Variants in ZFAT observed in about 807,000 individuals in gnomAD.
ZFAT encodes the protein zinc finger protein ZFAT.
Under a neutral mutation model 117.7 loss-of-function variants are expected in ZFAT, and 64 were observed. The ratio of observed to expected loss-of-function variants is 0.54; its 90% CI spans 0.44 to 0.67. The LOEUF (loss-of-function observed/expected upper bound fraction) is 0.67. Among genes scored for constraint, ZFAT ranks in the 30% least tolerant of loss-of-function variants. The pLI is 0.00. For synonymous variants in ZFAT, 679 were observed against 615.0 expected (o/e 1.10, Z -1.54); for missense variants, 1,433 against 1,584.5 (o/e 0.90, Z 1.62).
intron 10 of ZFAT, among the ~76,000 whole-genome samples, chr8:134,578,699 C>A (rs1398485922): frequency 6.6e-6 from 1 of 152,054 alleles, no homozygotes; most frequent in South Asian, 2.1e-4. Context: ...AGAATGGAGG[C>A]AGGAGATGAC....
chr8:134,799,794 T>C, the ZFAT span, among the ~76,000 whole-genome samples: 3 of 152,180 alleles, frequency 2.0e-5, no homozygotes, highest in Admixed American at 6.5e-5. Context: ...GTTGGCATCA[T>C]CTTTATTGCA....
At chr8:134,763,888 C>T in the ZFAT span, among the ~76,000 whole-genome samples, 2 of 152,174 alleles carry the variant, frequency 1.3e-5, no homozygotes, top group Non-Finnish European at 2.9e-5. Flanking sequence ...TTCTATTAAA[C>T]CACACTTGGC....
At chr8:134,789,159 A>G in the ZFAT span, among the ~76,000 whole-genome samples, 21 of 152,254 alleles carry the variant, frequency 1.4e-4, no homozygotes, top group East Asian at 3.7e-3. Flanking sequence ...TTAGGTATAC[A>G]TTCTATTAGC....
chr8:134,496,985 C>A (rs1586583201), intron 15 of ZFAT, among the ~76,000 whole-genome samples: 1 of 152,210 alleles, frequency 6.6e-6, no homozygotes. Flanking sequence ...ATGCAGGGAC[C>A]CCCGCCCCCA....
the ZFAT span, among the ~76,000 whole-genome samples, chr8:134,732,308 C>T: frequency 3.3e-5 from 5 of 152,132 alleles, no homozygotes; most frequent in Non-Finnish European, 7.3e-5. Context: ...CTGAAGCAAG[C>T]ATAGTGGGAT....
At chr8:134,585,185 C>G (rs1164416930) in intron 9 of ZFAT, among the ~76,000 whole-genome samples, 1 of 152,172 alleles carries the variant, frequency 6.6e-6, no homozygotes, top group Non-Finnish European at 1.5e-5. Context: ...TCATTTACAA[C>G]ACACTCTCAC....
chr8:134,765,876 A>AT, the ZFAT span: 1 of 152,222 alleles, frequency 6.6e-6, no homozygotes, highest in Non-Finnish European at 1.5e-5. Context: ...AGAAAAATAA[A>AT]TGAGTTCAGC....
intron 3 of ZFAT, among the ~76,000 whole-genome samples, chr8:134,621,406 T>C (rs1225057212): frequency 1.3e-5 from 2 of 152,174 alleles, no homozygotes; most frequent in South Asian, 2.1e-4. Context: ...TACAAAGCAC[T>C]GTCTTGAGCA....
chr8:134,690,416 T>C (rs1586956560), intron 1 of ZFAT, among the ~76,000 whole-genome samples: 1 of 152,324 alleles, frequency 6.6e-6, no homozygotes, highest in South Asian at 2.1e-4. Flanking sequence ...CCTGAGGTCT[T>C]GATCAAGGAG....
intron 15 of ZFAT, among the ~76,000 whole-genome samples, chr8:134,485,461 A>G (rs1246718900): frequency 1.3e-5 from 2 of 152,200 alleles, no homozygotes; most frequent in East Asian, 1.9e-4. Context: ...CCTGGGAAAC[A>G]TGTTCTCAAA....
upstream of ZFAT, among the ~76,000 whole-genome samples, chr8:134,714,422 C>T (rs1814168961): frequency 1.3e-5 from 2 of 152,254 alleles, no homozygotes; most frequent in Admixed American, 1.3e-4. Context: ...TTCTCAGCGC[C>T]TGTTGCATAG....
Position 134,555,911 on chromosome 8 carries a change from G to A in ZFAT, c.2976+9422C>T, listed in dbSNP as rs141937721. On this transcript the variant is annotated intron_variant, in intron 11 of 15. Transcript: ENST00000377838. ...AGTGCTACATGGGAGGCTGAGGCAG[G>A]AGGATCATTTGAGCCCAGGAGCTCA... Among the ~76,000 whole-genome samples the A allele has an allele frequency of 6.7e-3, 993 of 148,376 alleles. 5 individuals are homozygous for A. The highest frequency in any genetic ancestry group is 8.4e-3 in the Non-Finnish European group (562 of 67,016).
intron 3 of ZFAT, among the ~76,000 whole-genome samples, chr8:134,612,199 C>T (rs1828386859): frequency 6.6e-6 from 1 of 152,342 alleles, no homozygotes; most frequent in Non-Finnish European, 1.5e-5. Flanking sequence ...CCACATAAGC[C>T]TTTCTCAGCC....
chr8:134,680,967 AAAT>A (rs1395026778), intron 1 of ZFAT, among the ~76,000 whole-genome samples: 36 of 152,368 alleles, frequency 2.4e-4, no homozygotes, highest in African/African-American at 8.4e-4. Context: ...ACATTTAAAA[AAAT>A]AACTGTGGCA....
intron 1 of ZFAT, among the ~76,000 whole-genome samples, chr8:134,699,095 C>G (rs75202745): frequency 0.026 from 3,916 of 152,214 alleles, 113 homozygotes; most frequent in Admixed American, 0.091. Flanking sequence ...CCACATTTCC[C>G]TAAAGTCCAA....
chr8:134,713,271 G>A (rs368965107), upstream of ZFAT, among the ~76,000 whole-genome samples: 208 of 152,378 alleles, frequency 1.4e-3, no homozygotes, highest in Middle Eastern at 6.8e-3. Context: ...GAGTCTGGCG[G>A]TTGTGCCAGG....
chr8:134,647,309 C>A (rs1240439634), intron 2 of ZFAT, among the ~76,000 whole-genome samples: 1 of 152,018 alleles, frequency 6.6e-6, no homozygotes. Context: ...AAAAGTTTGA[C>A]AAAATTCAAC....
intron 2 of ZFAT, among the ~76,000 whole-genome samples, chr8:134,653,952 G>A (rs1430534341): frequency 6.6e-6 from 1 of 152,180 alleles, no homozygotes; most frequent in Non-Finnish European, 1.5e-5. Context: ...TTGGAGAGCA[G>A]TTAGAAAAAC....
chr8:134,599,475 G>T lies in ZFAT; in HGVS notation c.2475+961C>A, dbSNP rs372032149. 3.0e-4 allele frequency: 82 copies of T among 273,058 alleles called. No individual in the cohort carries two copies. In the East Asian group the frequency reaches 3.1e-3, roughly 10 times the overall value. The allele number at this position is 273,058 out of a possible 1,614,324, so 16.9% of individuals were successfully genotyped here. ...TTATACAGAAGGCTATTTCATACAG[G>T]TCTCAGGGAAGACAAGTGACTTGCC... On this transcript the variant is annotated intron_variant, in intron 7 of 15. Transcript: ENST00000377838.
Sources: allele counts gnomAD v4.1 joint callset (sites outside exome capture counted in the v4.1 genomes callset), GRCh38; gene constraint gnomAD v4.1.1; transcripts MANE v1.5; gene names NCBI Gene and HGNC (gene_info 2026-07-23, HGNC 2026-07-21).